Variants in UNC13D observed in about 807,000 individuals in gnomAD.
UNC13D encodes protein unc-13 homolog D.
In UNC13D, 115 loss-of-function variants were observed where a neutral mutation model predicts 151.7. The ratio of observed to expected loss-of-function variants is 0.76; its 90% CI spans 0.65 to 0.88. The LOEUF is 0.88. Among genes scored for constraint, UNC13D ranks in the 40% least tolerant of loss-of-function variants. The pLI is 0.00. For missense variants in UNC13D, 1,369 were observed against 1,438.7 expected (o/e 0.95, Z 0.78); for synonymous variants, 588 against 612.2 (o/e 0.96, Z 0.58).
rs750811263 is a variant in UNC13D, at chr17:75,836,630, G to A, written c.1240C>T (p.Arg414Cys). 1.5e-5 allele frequency: 25 copies of A among 1,613,804 alleles called. No individual in the cohort carries two copies. The highest frequency in any genetic ancestry group is 2.2e-5 in the East Asian group (1 of 44,882). Residue 414 changes from arginine (R) to cysteine (C), a missense_variant, in exon 14 of 32, where the codon CGC becomes TGC. Physicochemically the swap from Arg to Cys is radical, Grantham distance 180. Around this residue, in one of 3 missense-constraint regions of UNC13D, gnomAD observed 550 missense variants for 609.0 expected, o/e 0.90. Transcript: ENST00000207549. ...TYGLSLIRRF[R>C]SVFPLSVSDS... ...GAGACAGAGAGGGGGAAGACAGAGCGGAACCTCCGGATGAGGGAGAGGCCG... is the reference window on the plus strand; with the variant it reads ...GAGACAGAGAGGGGGAAGACAGAGCAGAACCTCCGGATGAGGGAGAGGCCG...
At position 75,833,145 on chromosome 17, in the gene UNC13D, G is replaced by A. The variant is rs954223287; in HGVS notation, c.2368-100C>T. 161 of 1,217,764 alleles carry A rather than the reference G, an allele frequency of 1.3e-4. No individual in the cohort carries two copies. The highest frequency in any genetic ancestry group is 2.7e-4 in the Middle Eastern group (1 of 3,712). 75.4% of individuals were successfully genotyped at this position (1,217,764 alleles called of 1,614,324 possible). Reference sequence around the variant, plus strand: ...GAGGGAGGAAACAGGGCTGGGAACCGTTCTGTGAGAGCAGTTTGTAGTGTC... The same window carrying A: ...GAGGGAGGAAACAGGGCTGGGAACCATTCTGTGAGAGCAGTTTGTAGTGTC... On this transcript the variant is annotated intron_variant, in intron 24 of 31. Transcript: ENST00000207549. This position sits in a 1 kb window ranked among gnomAD's most constrained non-coding sequence, Gnocchi z 4.0.
intron 12 of UNC13D, among the ~76,000 whole-genome samples, chr17:75,838,221 CTTT>C (rs953705567): frequency 7.0e-6 from 1 of 143,244 alleles, no homozygotes. Flanking sequence ...TGTCCCATCT[CTTT>C]TTTTTTTTTT....
chr17:75,841,378 C>T (rs1387537302), intron 6 of UNC13D, among the ~76,000 whole-genome samples: 2 of 150,994 alleles, frequency 1.3e-5, no homozygotes, highest in African/African-American at 2.4e-5. Context: ...CTTCTGACCT[C>T]GTGATCCGCC....
chr17:75,839,257 C>T (rs903983891), intron 12 of UNC13D, among the ~76,000 whole-genome samples: 2 of 152,064 alleles, frequency 1.3e-5, no homozygotes, highest in African/African-American at 2.4e-5. Flanking sequence ...ACAAAGTTAG[C>T]TGGGCGTGGT....
intron 29 of UNC13D, 54 bp downstream of exon 29, chr17:75,830,308 A>G: frequency 1.3e-6 from 2 of 1,580,786 alleles, no homozygotes; most frequent in Non-Finnish European, 8.6e-7. Flanking sequence ...GGTCGCTGAG[A>G]CAGGAGGGCC....
At position 75,840,800 on chromosome 17, in the gene UNC13D, C is replaced by G; in HGVS notation, c.645G>C (p.Gln215His). 6.2e-7 allele frequency: 1 copy of G among 1,613,958 alleles called. No homozygotes were observed. Among genetic ancestry groups the G allele is most frequent in the Non-Finnish European group, 8.5e-7 (1 of 1,179,952 alleles). ...GCAGATCCGTGAGCTCCCCAAGCTT[C>G]TGTCGGACAGACTCCACAGTGTCCA... ...WDLDTVESVR[Q>H]KLGELTDLHG... Residue 215 changes from glutamine to histidine, a missense_variant, in exon 8 of 32, where the codon CAG becomes CAC. Gln to His is a conservative substitution (Grantham distance 24). Around this residue, in one of 3 missense-constraint regions of UNC13D, gnomAD observed 550 missense variants for 609.0 expected, o/e 0.90. Transcript: ENST00000207549. This position sits in a 1 kb window ranked among gnomAD's most constrained non-coding sequence, Gnocchi z 4.6.
chr17:75,842,619 G>A lies in UNC13D; in HGVS notation c.389-6C>T, dbSNP rs1429988472. 1.2e-6 allele frequency: 2 copies of A among 1,611,306 alleles called. No individual in the cohort carries two copies. Among genetic ancestry groups the A allele is most frequent in the Admixed American group, 1.7e-5 (1 of 59,996 alleles). The stretch of plus-strand genomic sequence containing the variant: ...GCAGTAGGGGTCGCTGAACCCTGTG[G>A]AGGAGTGGGGAAGACGAGGCAGCCA... On this transcript the variant is annotated splice_region_variant and splice_polypyrimidine_tract_variant and intron_variant, in intron 5 of 31. Coordinates refer to ENST00000207549, the MANE Select transcript of UNC13D (RefSeq NM_199242.3).
Position 75,842,896 on chromosome 17 carries a change from C to T in UNC13D, c.349G>A (p.Val117Met). Residue 117 changes from valine to methionine, a missense_variant, in exon 5 of 32, where the codon GTG becomes ATG. Physicochemically the swap from Val to Met is conservative, Grantham distance 21. This residue lies in a region of UNC13D where 550 missense variants were observed against 609.0 expected (regional missense o/e 0.90). Transcript: ENST00000207549. ...EKPIFCLKAT[V>M]KQAKGILGKD... ...CCCAGAATGCCCTTGGCCTGTTTCA[C>T]TGTTGCCTTCAGACAAAATATTGGC... 1 of 1,613,686 alleles carries T rather than the reference C, an allele frequency of 6.2e-7. No homozygotes were observed. Among genetic ancestry groups the T allele is most frequent in the Non-Finnish European group, 8.5e-7 (1 of 1,180,008 alleles).
intron 6 of UNC13D, 35 bp downstream of exon 6, chr17:75,842,398 C>A (rs1343384352): frequency 1.3e-6 from 2 of 1,597,100 alleles, no homozygotes; most frequent in Non-Finnish European, 1.7e-6. Flanking sequence ...CAGGAAAGAC[C>A]TGGATAGAGT....
Position 75,827,927 on chromosome 17 carries a change from C to T in UNC13D, c.*38G>A. On this transcript the variant is annotated 3_prime_UTR_variant, in exon 32 of 32. Coordinates refer to ENST00000207549, the MANE Select transcript of UNC13D (RefSeq NM_199242.3). ...ACCCTACAGGAAAGCCCTTGCAAGT[C>T]CCCACCGGGGACCCAGCCCCACCGC... 6.2e-7 allele frequency: 1 copy of T among 1,602,692 alleles called. No homozygotes were observed. The highest frequency in any genetic ancestry group is 8.5e-7 in the Non-Finnish European group (1 of 1,176,574).
rs146737486 is a variant in UNC13D at position 75,834,373 on chromosome 17, G to A, written c.2250C>T (p.Ala750=). The change falls in exon 23 of 32, where the codon GCC becomes GCT. Residue 750 remains alanine, a synonymous_variant. Coordinates refer to ENST00000207549, the MANE Select transcript of UNC13D (RefSeq NM_199242.3). ...TLHAQLQSAL[A]GLGHEIRTGV... ...CAGTGCGGATCTCATGGCCCAGCCCGGCCAGCGCGCTCTGCAGCTGGGCAT... is the reference window on the plus strand; with the variant it reads ...CAGTGCGGATCTCATGGCCCAGCCCAGCCAGCGCGCTCTGCAGCTGGGCAT... 105 of 1,593,298 alleles carry A rather than the reference G, an allele frequency of 6.6e-5. No individual in the cohort carries two copies. The highest frequency in any genetic ancestry group is 6.2e-4 in the Admixed American group (37 of 59,424).
chr17:75,836,981 C>T (rs1261992943), intron 12 of UNC13D, 63 bp from the exon 13 acceptor site: 24 of 1,562,826 alleles, frequency 1.5e-5, no homozygotes, highest in Middle Eastern at 2.2e-4. Flanking sequence ...CCTGTTCACC[C>T]GGCCTCAGGT....
intron 12 of UNC13D, among the ~76,000 whole-genome samples, chr17:75,838,220 T>A (rs1415569824): frequency 2.0e-5 from 3 of 148,564 alleles, no homozygotes; most frequent in Non-Finnish European, 4.5e-5. Flanking sequence ...GTGTCCCATC[T>A]CTTTTTTTTT....
chr17:75,843,330 A>G lies in UNC13D; in HGVS notation c.154-64T>C. On this transcript the variant is annotated intron_variant, in intron 2 of 31. Transcript: ENST00000207549. ...ACCCCTGGCACCAACACCTCTCGCC[A>G]TGGGCAGGACAAGGGCGGCTTGTGC... is the stretch of plus-strand genomic sequence containing the variant. The G allele has an allele frequency of 6.3e-6, 10 of 1,593,890 alleles. No homozygotes were observed. The South Asian group carries it at 8.9e-5, about 14-fold the overall frequency.
chr17:75,829,351 A>G (rs888479692), intron 30 of UNC13D, among the ~76,000 whole-genome samples: 17 of 152,174 alleles, frequency 1.1e-4, no homozygotes, highest in Non-Finnish European at 1.5e-4. Flanking sequence ...GCTGGAGTGC[A>G]GTGGCGCCAT....
Position 75,842,570 on chromosome 17 carries a change from T to G in UNC13D, c.432A>C (p.Val144=). 3 of 1,611,558 alleles carry G rather than the reference T, an allele frequency of 1.9e-6. No individual in the cohort carries two copies. Among genetic ancestry groups the G allele is most frequent in the Non-Finnish European group, 2.5e-6 (3 of 1,179,130 alleles). The change falls in exon 6 of 32, where the codon GTA becomes GTC. Residue 144 remains valine (V), a synonymous_variant. Coordinates refer to ENST00000207549, the MANE Select transcript of UNC13D (RefSeq NM_199242.3). ...PYCLLGIEQG[V]GVPGGSPGSR... is the part of the protein sequence containing the mutation. ...ACCCGGGGCTGCCCCCTGGCACACC[T>G]ACCCCCTGCTCAATGCCCAGCAGGC...
chr17:75,835,976 A>G (rs771667669), intron 17 of UNC13D, 36 bp downstream of exon 17: 150 of 1,614,032 alleles, frequency 9.3e-5, no homozygotes, highest in Non-Finnish European at 1.2e-4. Flanking sequence ...CTCTGAGGCA[A>G]TGCCCCACTA....
chr17:75,827,620 G>A lies in UNC13D; in HGVS notation c.*345C>T. On this transcript the variant is annotated 3_prime_UTR_variant, in exon 32 of 32. Transcript: ENST00000207549. ...GTGGCTGGAACAGGAAGGCCAGGAG[G>A]CAGATGGGCCAGGGCCAGGAGACAG... 6.5e-7 allele frequency: 1 copy of A among 1,535,468 alleles called. No homozygotes were observed. The highest frequency in any genetic ancestry group is 1.7e-4 in the Middle Eastern group (1 of 5,958).
Position 75,830,361 on chromosome 17 carries a change from C to T in UNC13D, c.2830+1G>A. 6.3e-7 allele frequency: 1 copy of T among 1,592,920 alleles called. No individual in the cohort carries two copies. The highest frequency in any genetic ancestry group is 1.1e-5 in the South Asian group (1 of 87,746). ...AGTGGCCAAAGGCAGCCTCCACTCA[C>T]CATTGGAGTCCAGGGGCAGCAGGCT... is the stretch of plus-strand genomic sequence containing the variant. On this transcript the variant is annotated splice_donor_variant, in intron 29 of 31. Transcript: ENST00000207549. LOFTEE classifies it high-confidence loss of function.
Sources: allele counts gnomAD v4.1 joint callset (sites outside exome capture counted in the v4.1 genomes callset), GRCh38; gene constraint gnomAD v4.1.1; regional missense constraint gnomAD v4.1.1; non-coding constraint Gnocchi (gnomAD v3.1); transcripts MANE v1.5; gene names NCBI Gene and HGNC (gene_info 2026-07-23, HGNC 2026-07-21).